The following TNR variants were observed in gnomAD, a reference collection of about 807,000 sequenced individuals.
TNR encodes the protein tenascin-R.
TNR carries 45 observed loss-of-function variants against 150.4 expected under a neutral mutation model. The ratio of observed to expected loss-of-function variants is 0.30; its 90% confidence interval spans 0.24 to 0.38. The LOEUF (loss-of-function observed/expected upper bound fraction) is 0.38. TNR is among the 10% of genes least tolerant of loss of function. TNR has a pLI of 1.00. For missense variants in TNR, 1,544 were observed against 1,759.1 expected (o/e 0.88, Z 2.19); for synonymous variants, 687 against 678.4 (o/e 1.01, Z -0.20).
Position 175,566,290 on chromosome 1 carries a change from G to T in TNR, c.-164-37921C>A, listed in dbSNP as rs146791656. ...AGTTTACTAGCAATCCCAAAATGGG[G>T]TGAGTAGGGGAAATAAAAAGGAGAT... On this transcript the variant is annotated intron_variant, in intron 1 of 22. Transcript: ENST00000367674. Among the ~76,000 whole-genome samples, 487 of 152,340 alleles carry T rather than the reference G, an allele frequency of 3.2e-3. 1 individual carries two copies. The highest frequency in any genetic ancestry group is 0.011 in the African/African-American group (459 of 41,578).
intron 21 of TNR, among the ~76,000 whole-genome samples, chr1:175,327,905 C>T (rs1436134361): frequency 4.6e-5 from 7 of 152,156 alleles, no homozygotes; most frequent in African/African-American, 1.4e-4. Flanking sequence ...GACAGGAGCT[C>T]GAGACCAGCC....
intron 2 of TNR, among the ~76,000 whole-genome samples, chr1:175,481,041 G>T (rs1657789222): frequency 1.3e-5 from 2 of 152,128 alleles, no homozygotes; most frequent in Non-Finnish European, 2.9e-5. Context: ...CTTCTGCGTT[G>T]TCACTGTGGA....
chr1:175,598,428 C>G (rs1421324298), intron 1 of TNR, among the ~76,000 whole-genome samples: 1 of 152,174 alleles, frequency 6.6e-6, no homozygotes, highest in Non-Finnish European at 1.5e-5. Flanking sequence ...GTGCTATTTT[C>G]CATGGGACAC....
At chr1:175,473,371 A>G (rs1657380171) in intron 2 of TNR, among the ~76,000 whole-genome samples, 1 of 152,186 alleles carries the variant, frequency 6.6e-6, no homozygotes, top group Admixed American at 6.5e-5. Context: ...CTCGGACATC[A>G]TCTTGAATTT....
intron 1 of TNR, among the ~76,000 whole-genome samples, chr1:175,681,180 A>C (rs1031966793): frequency 6.6e-6 from 1 of 152,214 alleles, no homozygotes; most frequent in Admixed American, 6.5e-5. Flanking sequence ...TATTAATTTT[A>C]GTAGGCATGC....
At position 175,393,812 on chromosome 1, in the gene TNR, A is replaced by T. The variant is rs765031699; in HGVS notation, c.1324T>A (p.Phe442Ile). The change falls in exon 6 of 23, where the codon TTC (phenylalanine) becomes ATC (isoleucine). Residue 442 changes from phenylalanine (F) to isoleucine (I), a missense_variant. Phe to Ile is a conservative substitution (Grantham distance 21). This residue lies in a region of TNR where 1,254 missense variants were observed against 1,329.4 expected (regional missense o/e 0.94). Transcript: ENST00000367674. ...ATGAAGCTGATTTCCCACCCATCGA[A>T]GGAAAATGAGAAGGGCTCCCACTGC... is the stretch of plus-strand genomic sequence containing the variant. The part of the protein sequence containing the change: ...EVQWEPFSFS[F>I]DGWEISFIPK... 1 of 1,614,190 alleles carries T rather than the reference A, an allele frequency of 6.2e-7. No homozygotes were observed. Among genetic ancestry groups the T allele is most frequent in the Non-Finnish European group, 8.5e-7 (1 of 1,179,998 alleles).
chr1:175,374,983 A>G (rs1302601548), intron 9 of TNR, among the ~76,000 whole-genome samples: 3 of 152,226 alleles, frequency 2.0e-5, no homozygotes, highest in African/African-American at 7.2e-5. Context: ...ACACAACCAC[A>G]TGCCTTTTTG....
intron 2 of TNR, among the ~76,000 whole-genome samples, chr1:175,478,262 T>C (rs1042351933): frequency 2.0e-5 from 3 of 152,190 alleles, no homozygotes; most frequent in Non-Finnish European, 2.9e-5. Flanking sequence ...ACTTTCAATA[T>C]GTGTGCATAT....
chr1:175,357,042 C>G (rs1044871705), intron 15 of TNR, among the ~76,000 whole-genome samples: 4 of 152,098 alleles, frequency 2.6e-5, no homozygotes, highest in African/African-American at 9.7e-5. Context: ...TATCACATGC[C>G]AAGATTATTG....
At chr1:175,563,198 C>T (rs16848632) in intron 1 of TNR, among the ~76,000 whole-genome samples, 5,627 of 152,170 alleles carry the variant, frequency 0.037, 367 homozygotes, top group African/African-American at 0.13. Flanking sequence ...AACGGAAGGG[C>T]AGGAATTTGC....
At position 175,435,738 on chromosome 1, in the gene TNR, G is replaced by A. The variant is rs201232638; in HGVS notation, c.-63-28961C>T. ...GATGCAGTTTCTTCCTAGCCTTGATGCCTTTACAAATTGGCATGTTTTTGC... is the reference window on the plus strand; with the variant it reads ...GATGCAGTTTCTTCCTAGCCTTGATACCTTTACAAATTGGCATGTTTTTGC... On this transcript the variant is annotated intron_variant, in intron 2 of 22. Transcript: ENST00000367674. Among the ~76,000 whole-genome samples, 11 of 152,284 alleles carry A rather than the reference G, an allele frequency of 7.2e-5. No homozygotes were observed. In the East Asian group the frequency reaches 2.1e-3, roughly 29 times the overall value.
intron 2 of TNR, among the ~76,000 whole-genome samples, chr1:175,436,517 T>C (rs932887913): frequency 1.3e-5 from 2 of 152,152 alleles, no homozygotes; most frequent in Admixed American, 6.5e-5. Context: ...CAGGATCAAA[T>C]TCACACATAA....
intron 1 of TNR, among the ~76,000 whole-genome samples, chr1:175,564,051 G>A (rs1661539714): frequency 1.3e-5 from 2 of 152,206 alleles, no homozygotes; most frequent in Non-Finnish European, 2.9e-5. Flanking sequence ...ACCAGTTGTT[G>A]ATTTAGACAA....
rs2102045827 is a variant in TNR, at chr1:175,403,610, A to C, written c.506T>G (p.Leu169Arg). 1 of 1,611,604 alleles carries C rather than the reference A, an allele frequency of 6.2e-7. No individual in the cohort carries two copies. The highest frequency in any genetic ancestry group is 2.2e-5 in the East Asian group (1 of 44,854). The change falls in exon 4 of 23, where the codon CTG becomes CGG. Residue 169 changes from leucine to arginine, a missense_variant. Leu to Arg is a moderately radical substitution (Grantham distance 102). Around this residue, in one of 2 missense-constraint regions of TNR, gnomAD observed 1,254 missense variants for 1,329.4 expected, o/e 0.94. Transcript: ENST00000367674. ...GCCACTGCAGTGAGGGATATAGTCC[A>C]GTTGTCCTGGAATGGTCAAGGAGAA... is the stretch of plus-strand genomic sequence containing the variant. ...CCQESAATGQ[L>R]DYIPHCSGHG...
At chr1:175,503,022 T>G (rs971276353) in intron 2 of TNR, among the ~76,000 whole-genome samples, 3 of 152,162 alleles carry the variant, frequency 2.0e-5, no homozygotes, top group African/African-American at 4.8e-5. Context: ...CATATGCTCA[T>G]CCCAACCCTG....
chr1:175,394,024 C>T, intron 5 of TNR, 129 bp from the exon 6 acceptor site: 2 of 714,374 alleles, frequency 2.8e-6, no homozygotes, highest in Non-Finnish European at 4.8e-6. Context: ...CAATCCCAAT[C>T]TTGCTCCAGA....
chr1:175,662,800 T>C (rs1444048267), intron 1 of TNR, among the ~76,000 whole-genome samples: 1 of 152,182 alleles, frequency 6.6e-6, no homozygotes, highest in Non-Finnish European at 1.5e-5. Context: ...TTCCCTCAGG[T>C]TGGGGGTACC....
chr1:175,324,556 G>T, intron 21 of TNR, 37 bp from the exon 22 acceptor site: 2 of 1,604,184 alleles, frequency 1.2e-6, no homozygotes, highest in Non-Finnish European at 1.7e-6. Flanking sequence ...TGTCCCATTT[G>T]TCACTGCTTT....
chr1:175,441,657 G>A (rs1387468881), intron 2 of TNR, among the ~76,000 whole-genome samples: 1 of 152,106 alleles, frequency 6.6e-6, no homozygotes, highest in Non-Finnish European at 1.5e-5. Context: ...TGTGGGTGGG[G>A]GGTCTAGGTG....
Sources: allele counts gnomAD v4.1 joint callset (sites outside exome capture counted in the v4.1 genomes callset), GRCh38; gene constraint gnomAD v4.1.1; regional missense constraint gnomAD v4.1.1; transcripts MANE v1.5; gene names NCBI Gene and HGNC (gene_info 2026-07-23, HGNC 2026-07-21).